The following ZNF600 variants were observed in gnomAD, a reference collection of about 807,000 sequenced individuals.
ZNF600 encodes zinc finger protein KR-ZNF1.
ZNF600 carries 4 observed loss-of-function variants against 7.3 expected under a neutral mutation model. That is an observed-to-expected ratio of 0.55 (90% CI 0.27 to 1.25). The LOEUF is 1.25. ZNF600 is among the 50% of genes most tolerant of loss of function. The pLI is 0.12. For missense variants in ZNF600, 911 were observed against 922.1 expected (o/e 0.99, Z 0.16); for synonymous variants, 290 against 308.9 (o/e 0.94, Z 0.64).
At chr19:52,802,628 G>C in the ZNF600 span, among the ~76,000 whole-genome samples, 2 of 150,674 alleles carry the variant, frequency 1.3e-5, no homozygotes, top group Admixed American at 1.3e-4. Context: ...GGTGAGTTGA[G>C]ATCGCACCAC....
the ZNF600 span, among the ~76,000 whole-genome samples, chr19:52,822,074 C>CTTTTTTTTTTTTTTTTT: frequency 1.9e-4 from 15 of 78,684 alleles, no homozygotes; most frequent in African/African-American, 3.4e-4. Context: ...TTCTTTTTCC[C>CTTTTTTTTTTTTTTTTT]TTTTTTTTTT....
chr19:52,806,700 G>T, the ZNF600 span, among the ~76,000 whole-genome samples: 6 of 151,884 alleles, frequency 4.0e-5, no homozygotes, highest in Non-Finnish European at 5.9e-5. Flanking sequence ...TCAGAAGTTT[G>T]AAACCAGCCT....
upstream of ZNF600, among the ~76,000 whole-genome samples, chr19:52,787,441 G>C (rs373195496): frequency 4.2e-3 from 536 of 126,124 alleles, 14 homozygotes; most frequent in East Asian, 0.056. Context: ...GAGTCTCGCT[G>C]TGTCGCCCAG....
the ZNF600 span, among the ~76,000 whole-genome samples, chr19:52,815,780 G>A: frequency 1.4e-5 from 2 of 145,982 alleles, 1 homozygote; most frequent in East Asian, 4.0e-4. Flanking sequence ...AGCCGAGATT[G>A]CACCACTGCA....
chr19:52,775,790 C>T (rs544393594), intron 2 of ZNF600, among the ~76,000 whole-genome samples: 2 of 152,048 alleles, frequency 1.3e-5, no homozygotes, highest in African/African-American at 2.4e-5. Context: ...AGGTGGATCA[C>T]GAGGTCAGGA....
At chr19:52,810,252 G>A in the ZNF600 span, 5 of 1,294,774 alleles carry the variant, frequency 3.9e-6, no homozygotes, top group South Asian at 1.2e-5. Flanking sequence ...TCTACCTCCA[G>A]GCAATGCTGG....
the ZNF600 span, among the ~76,000 whole-genome samples, chr19:52,816,577 T>C: frequency 2.1e-5 from 3 of 144,560 alleles, no homozygotes; most frequent in South Asian, 2.3e-4. Flanking sequence ...GGCAGGAGAA[T>C]GGCATGAACC....
chr19:52,771,676 C>T (rs1037802910), intron 3 of ZNF600, among the ~76,000 whole-genome samples: 2 of 152,314 alleles, frequency 1.3e-5, no homozygotes, highest in Admixed American at 6.5e-5. Flanking sequence ...TGGGGTTTCA[C>T]CATGTTGGCC....
exon 4 of ZNF600, chr19:52,765,254 G>T: frequency 3.5e-6 from 2 of 578,836 alleles, no homozygotes; most frequent in Middle Eastern, 2.9e-4. Context: ...TCTGACATTT[G>T]TAAGATTTCT....
exon 4 of ZNF600, chr19:52,766,559 T>A (rs1192598249): frequency 6.2e-7 from 1 of 1,612,778 alleles, no homozygotes; most frequent in Non-Finnish European, 8.5e-7. Flanking sequence ...TTACCAGGTG[T>A]GAATTCCACG....
the ZNF600 span, among the ~76,000 whole-genome samples, chr19:52,817,086 G>C: frequency 6.6e-6 from 1 of 151,988 alleles, no homozygotes; most frequent in South Asian, 2.1e-4. Flanking sequence ...AATAATGAAG[G>C]AATAGGCCAG....
chr19:52,832,620 T>C, the ZNF600 span, among the ~76,000 whole-genome samples: 14 of 152,060 alleles, frequency 9.2e-5, no homozygotes, highest in African/African-American at 2.7e-4. Context: ...ATAAAACAAT[T>C]AGCCGCTTGT....
chr19:52,813,656 G>A, the ZNF600 span, among the ~76,000 whole-genome samples: 1 of 121,688 alleles, frequency 8.2e-6, no homozygotes, highest in Non-Finnish European at 1.6e-5. Flanking sequence ...CCTCCAGATT[G>A]CCTGGTGATC....
chr19:52,802,899 T>C, the ZNF600 span, among the ~76,000 whole-genome samples: 3 of 150,732 alleles, frequency 2.0e-5, no homozygotes, highest in Non-Finnish European at 4.4e-5. Flanking sequence ...CAGCTTGGAC[T>C]ACAGGCACAC....
chr19:52,798,643 G>A, the ZNF600 span: 5 of 440,476 alleles, frequency 1.1e-5, no homozygotes, highest in Middle Eastern at 1.8e-3. Context: ...GTTTTGCATA[G>A]GATGAAACTT....
the ZNF600 span, chr19:52,806,090 CTG>C: frequency 6.6e-6 from 1 of 152,158 alleles, no homozygotes; most frequent in Non-Finnish European, 1.5e-5. Context: ...ATGAAAAACA[CTG>C]TACATATATG....
chr19:52,796,248 G>A, the ZNF600 span, among the ~76,000 whole-genome samples: 4 of 152,150 alleles, frequency 2.6e-5, no homozygotes, highest in African/African-American at 7.2e-5. Context: ...CAATTAACAC[G>A]AACCTCAGGA....
chr19:52,779,063 C>A (rs10416374), intron 1 of ZNF600, among the ~76,000 whole-genome samples, 156 bp from the exon 4 acceptor site: 5,363 of 152,230 alleles, frequency 0.035, 187 homozygotes, highest in African/African-American at 0.088. Flanking sequence ...TCCCACAGGA[C>A]GACCTATAAG....
the ZNF600 span, among the ~76,000 whole-genome samples, chr19:52,796,856 T>C: frequency 5.3e-3 from 807 of 152,344 alleles, 6 homozygotes; most frequent in Admixed American, 0.012. Flanking sequence ...GATTTTACCC[T>C]TCTGAGTGCC....
Sources: gnomAD v4.1 joint callset for allele counts (sites outside exome capture counted in the v4.1 genomes callset) on GRCh38, gnomAD v4.1.1 for gene constraint, MANE v1.5 for transcripts, NCBI Gene and HGNC (gene_info 2026-07-23, HGNC 2026-07-21) for gene names.